FSTL5: variants seen among roughly 807,000 people sequenced by gnomAD.
The protein encoded by FSTL5 is follistatin-related protein 5.
FSTL5 carries 62 observed loss-of-function variants against 89.1 expected under a neutral mutation model. The ratio of observed to expected loss-of-function variants is 0.70; its 90% CI spans 0.57 to 0.86. The LOEUF is 0.86. FSTL5 is among the 40% of genes least tolerant of loss of function. The probability of loss-of-function intolerance (pLI) is 0.00; values close to 1 mark genes in which losing one functional copy is unlikely to be tolerated. For synonymous variants in FSTL5, 383 were observed against 346.2 expected (o/e 1.11, Z -1.18); for missense variants, 1,057 against 1,001.6 (o/e 1.06, Z -0.75).
At chr4:161,727,969 C>A (rs775755631) in intron 6 of FSTL5, among the ~76,000 whole-genome samples, 1 of 152,078 alleles carries the variant, frequency 6.6e-6, no homozygotes, top group Non-Finnish European at 1.5e-5. Context: ...GGCGACAGAG[C>A]TAGACTCTGT....
intron 8 of FSTL5, among the ~76,000 whole-genome samples, chr4:161,546,524 A>T (rs2126550366): frequency 6.6e-6 from 1 of 151,808 alleles, no homozygotes; most frequent in South Asian, 2.1e-4. Flanking sequence ...TGGCATACCA[A>T]GAAAGTCAGA....
Position 161,538,237 on chromosome 4 carries a change from A to C in FSTL5, c.1241T>G (p.Ile414Ser), listed in dbSNP as rs1403933062. ...RYEDTGAYTC[I>S]AKNEAGVDED... ...ATCCACTCCTGCTTCATTCTTTGCG[A>C]TACAAGTGTATGCTCCAGTATCTTC... Residue 414 changes from isoleucine to serine, a missense_variant, in exon 10 of 16, where the codon ATC (isoleucine) becomes AGC (serine). Ile to Ser is a moderately radical substitution (Grantham distance 142). Transcript: ENST00000306100. 22 of 1,613,932 alleles carry C rather than the reference A, an allele frequency of 1.4e-5. No individual in the cohort carries two copies. The highest frequency in any genetic ancestry group is 1.6e-5 in the Non-Finnish European group (19 of 1,179,918).
rs755577033 is a variant in FSTL5 at position 161,384,929 on chromosome 4, A to T, written c.*818T>A. On this transcript the variant is annotated 3_prime_UTR_variant, in exon 16 of 16. Coordinates refer to ENST00000306100, the MANE Select transcript of FSTL5 (RefSeq NM_020116.5). ...CTGCTAGTAATAAACATCTGTAGGC[A>T]GTTGACATCCCAGACAAACTTGCAT... 2.6e-5 allele frequency: 4 copies of T among 152,204 alleles called. No homozygotes were observed. The highest frequency in any genetic ancestry group is 7.2e-5 in the African/African-American group (3 of 41,464). The allele number at this position is 152,204 out of a possible 1,614,324, so 9.4% of individuals were successfully genotyped here. A position where few individuals can be genotyped will look rare whatever the true frequency, so the allele number is the denominator to read the frequency against.
intron 3 of FSTL5, among the ~76,000 whole-genome samples, chr4:161,927,391 C>T (rs1734157019): frequency 6.6e-6 from 1 of 151,522 alleles, no homozygotes; most frequent in Non-Finnish European, 1.5e-5. Flanking sequence ...AATTAAACAG[C>T]ATATTAACAT....
chr4:162,142,216 T>C (rs986427612), intron 1 of FSTL5, among the ~76,000 whole-genome samples: 50 of 152,052 alleles, frequency 3.3e-4, no homozygotes, highest in African/African-American at 1.2e-3. Flanking sequence ...TGATGTGGCC[T>C]GAGGGTCAGG....
intron 6 of FSTL5, among the ~76,000 whole-genome samples, chr4:161,683,400 A>T (rs547630931): frequency 6.6e-6 from 1 of 152,162 alleles, no homozygotes; most frequent in Non-Finnish European, 1.5e-5. Flanking sequence ...ATATATCATT[A>T]GATATGTGAT....
chr4:162,133,640 T>C (rs1477748744), intron 1 of FSTL5, among the ~76,000 whole-genome samples: 1 of 152,196 alleles, frequency 6.6e-6, no homozygotes, highest in African/African-American at 2.4e-5. Flanking sequence ...CTGGTGCCAG[T>C]CATATGGTAG....
intron 6 of FSTL5, among the ~76,000 whole-genome samples, chr4:161,705,177 T>A (rs1738528253): frequency 6.6e-6 from 1 of 152,104 alleles, no homozygotes; most frequent in African/African-American, 2.4e-5. Flanking sequence ...TTTGCAATTC[T>A]ATGTTTATAA....
intron 1 of FSTL5, among the ~76,000 whole-genome samples, chr4:162,160,128 A>G (rs1009665460): frequency 6.6e-6 from 1 of 151,958 alleles, no homozygotes; most frequent in African/African-American, 2.4e-5. Context: ...ATATATGTAC[A>G]CACATAAATT....
chr4:161,776,681 T>TA (rs202147381), intron 4 of FSTL5, among the ~76,000 whole-genome samples: 2 of 151,730 alleles, frequency 1.3e-5, no homozygotes, highest in Admixed American at 6.6e-5. Context: ...TATTATTATT[T>TA]AAAAAAATTT....
At chr4:161,853,323 A>AGT (rs1731617838) in intron 4 of FSTL5, among the ~76,000 whole-genome samples, 1 of 152,022 alleles carries the variant, frequency 6.6e-6, no homozygotes, top group Non-Finnish European at 1.5e-5. Flanking sequence ...GCTGGCGTGC[A>AGT]GTGGCACGAT....
At chr4:161,400,875 G>A (rs899250288) in intron 15 of FSTL5, among the ~76,000 whole-genome samples, 5 of 152,054 alleles carry the variant, frequency 3.3e-5, no homozygotes, top group African/African-American at 1.2e-4. Context: ...TGTTATCAGA[G>A]ATCATTTTTT....
chr4:161,831,128 GT>G (rs199849064), intron 4 of FSTL5, among the ~76,000 whole-genome samples: 3,479 of 151,884 alleles, frequency 0.023, 65 homozygotes, highest in Middle Eastern at 0.044. Context: ...GGGGAAATTG[GT>G]AACTATGTGA....
intron 13 of FSTL5, among the ~76,000 whole-genome samples, chr4:161,467,321 A>G (rs985438342): frequency 2.0e-5 from 3 of 152,174 alleles, no homozygotes; most frequent in Non-Finnish European, 4.4e-5. Flanking sequence ...AAATAAAAGC[A>G]CATCATACAG....
intron 10 of FSTL5, among the ~76,000 whole-genome samples, chr4:161,521,556 G>T (rs1160133565): frequency 6.6e-6 from 1 of 151,964 alleles, no homozygotes; most frequent in Non-Finnish European, 1.5e-5. Context: ...CCTGGTTAAA[G>T]AAAAACTGGT....
intron 4 of FSTL5, among the ~76,000 whole-genome samples, chr4:161,857,293 T>C (rs13145573): frequency 0.75 from 114,470 of 152,022 alleles, 43,297 homozygotes; most frequent in East Asian, 0.82. Context: ...ATGTATCTGC[T>C]GACAGATTGC....
At chr4:162,111,470 G>A in intron 1 of FSTL5, 58 bp from the exon 2 acceptor site, 1 of 1,301,122 alleles carries the variant, frequency 7.7e-7, no homozygotes, top group Non-Finnish European at 1.1e-6. Flanking sequence ...TAAAAAACAT[G>A]TATCATGAAA....
chr4:162,044,417 G>A (rs1422814074), intron 2 of FSTL5, among the ~76,000 whole-genome samples: 1 of 152,092 alleles, frequency 6.6e-6, no homozygotes, highest in Non-Finnish European at 1.5e-5. Context: ...CGGTAAACAG[G>A]TGTGCTATCA....
intron 10 of FSTL5, among the ~76,000 whole-genome samples, chr4:161,513,894 A>C (rs1276794844): frequency 6.6e-6 from 1 of 152,176 alleles, no homozygotes; most frequent in African/African-American, 2.4e-5. Flanking sequence ...CTTGGTTAAT[A>C]CTTGCATGAT....
Sources: allele counts gnomAD v4.1 joint callset (sites outside exome capture counted in the v4.1 genomes callset), GRCh38; gene constraint gnomAD v4.1.1; transcripts MANE v1.5; gene names NCBI Gene and HGNC (gene_info 2026-07-23, HGNC 2026-07-21).